RAB3D: variants seen among roughly 807,000 people sequenced by gnomAD.
RAB3D encodes ras-related protein Rab-3D.
A neutral mutation model predicts 19.3 loss-of-function variants in RAB3D; 17 were observed. That is an observed-to-expected ratio of 0.88 (90% confidence interval 0.60 to 1.32). The LOEUF (loss-of-function observed/expected upper bound fraction) is 1.32. Among genes scored for constraint, RAB3D ranks in the 40% most tolerant of loss-of-function variants. The pLI, the probability that RAB3D is intolerant of heterozygous loss-of-function variation, is 0.00. For synonymous variants in RAB3D, 103 were observed against 119.9 expected (o/e 0.86, Z 0.92); for missense variants, 223 against 299.1 (o/e 0.75, Z 1.88).
intron 4 of RAB3D, 83 bp downstream of exon 4, chr19:11,335,364 C>T: frequency 6.4e-7 from 1 of 1,561,392 alleles, no homozygotes; most frequent in Non-Finnish European, 8.7e-7. Flanking sequence ...GGATCAGTGA[C>T]TGGGTTGGAC....
chr19:11,336,314 TTTC>T (rs1038587017), intron 2 of RAB3D, among the ~76,000 whole-genome samples: 4 of 152,058 alleles, frequency 2.6e-5, no homozygotes, highest in African/African-American at 7.2e-5. Context: ...TTTTTCTTTC[TTTC>T]TTTTTTTAAT....
rs150646450 is a variant in RAB3D at position 11,323,956 on chromosome 19, A to C, written c.*1442T>G. 6.6e-6 allele frequency: 1 copy of C among 152,302 alleles called. No homozygotes were observed. Among genetic ancestry groups the C allele is most frequent in the East Asian group, 1.9e-4 (1 of 5,170 alleles). The allele number at this position is 152,302 out of a possible 1,614,324, so 9.4% of individuals were successfully genotyped here. A position where few individuals can be genotyped will look rare whatever the true frequency, so the allele number is the denominator to read the frequency against. ...GAAAGTGCCTCTAAACCGGAGGTCA[A>C]GATGTACATCTTCAAACTGCACACG... On this transcript the variant is annotated 3_prime_UTR_variant, in exon 5 of 5. Transcript: ENST00000222120.
Position 11,322,833 on chromosome 19 carries a change from T to C in RAB3D, c.*2565A>G, listed in dbSNP as rs921374959. The stretch of plus-strand genomic sequence containing the variant: ...AAGCTGTTTCTCATCACACAGGTGA[T>C]TACAGGTTAGCTCTGCCCTATTCAA... On this transcript the variant is annotated 3_prime_UTR_variant, in exon 5 of 5. Transcript: ENST00000222120. 1 of 152,228 alleles carries C rather than the reference T, an allele frequency of 6.6e-6. No homozygotes were observed. Among genetic ancestry groups the C allele is most frequent in the East Asian group, 1.9e-4 (1 of 5,204 alleles). The allele number at this position is 152,228 out of a possible 1,614,324, so 9.4% of individuals were successfully genotyped here. A position where few individuals can be genotyped will look rare whatever the true frequency, so the allele number is the denominator to read the frequency against.
In RAB3D at chr19:11,324,362, G is replaced by GC. The variant is rs1394661274; in HGVS notation, c.*1035dup. 3 of 152,134 alleles carry GC rather than the reference G, an allele frequency of 2.0e-5. No individual in the cohort carries two copies. The highest frequency in any genetic ancestry group is 4.8e-5 in the African/African-American group (2 of 41,420). 9.4% of individuals were successfully genotyped at this position (152,134 alleles called of 1,614,324 possible). A position where few individuals can be genotyped will look rare whatever the true frequency, so the allele number is the denominator to read the frequency against. The stretch of plus-strand genomic sequence containing the variant: ...GGAAATGGACATTGGGTCTTGAAGG[G>GC]CCCCCCTCAAGTCGGAGCCCAGGTG... On this transcript the variant is annotated 3_prime_UTR_variant, in exon 5 of 5. Coordinates refer to ENST00000222120, the MANE Select transcript of RAB3D (RefSeq NM_004283.4).
intron 4 of RAB3D, among the ~76,000 whole-genome samples, chr19:11,331,744 A>G (rs1455445705): frequency 6.6e-6 from 1 of 151,276 alleles, no homozygotes; most frequent in Non-Finnish European, 1.5e-5. Context: ...CTCCCTCCTC[A>G]GCCTCCTAAA....
In RAB3D at chr19:11,339,532, G is replaced by C. The variant is rs1435372149; in HGVS notation, c.-125C>G. ...TCCCAGGGGTGACCTCGCGTAGGGG[G>C]CGCCGCCTGCAGGGGTTCCGCCTGT... On this transcript the variant is annotated 5_prime_UTR_variant, in exon 1 of 5. Coordinates refer to ENST00000222120, the MANE Select transcript of RAB3D (RefSeq NM_004283.4). The C allele has an allele frequency of 6.6e-6, 1 of 152,418 alleles. No individual in the cohort carries two copies. Among genetic ancestry groups the C allele is most frequent in the Admixed American group, 6.5e-5 (1 of 15,286 alleles). The allele number at this position is 152,418 out of a possible 1,614,324, so 9.4% of individuals were successfully genotyped here. A position where few individuals can be genotyped will look rare whatever the true frequency, so the allele number is the denominator to read the frequency against.
rs1339880248 is a variant in RAB3D, at chr19:11,322,501, T to A, written c.*2897A>T. On this transcript the variant is annotated 3_prime_UTR_variant, in exon 5 of 5. Transcript: ENST00000222120. ...GTGGTCCTGACCAATCCCCTGGAGC[T>A]GGAGAGGGGTTTTCCCACGGCCTTT... 1.3e-5 allele frequency: 2 copies of A among 152,174 alleles called. No individual in the cohort carries two copies. The highest frequency in any genetic ancestry group is 2.9e-5 in the Non-Finnish European group (2 of 68,032). 9.4% of individuals were successfully genotyped at this position (152,174 alleles called of 1,614,324 possible). A position where few individuals can be genotyped will look rare whatever the true frequency, so the allele number is the denominator to read the frequency against.
intron 4 of RAB3D, among the ~76,000 whole-genome samples, chr19:11,328,677 TGTG>T (rs1212115128): frequency 6.6e-6 from 1 of 151,568 alleles, no homozygotes; most frequent in East Asian, 1.9e-4. Context: ...ATTAGCCAGG[TGTG>T]GTGGCATGCA....
intron 4 of RAB3D, among the ~76,000 whole-genome samples, chr19:11,334,879 C>A (rs2080846823): frequency 1.3e-5 from 2 of 152,242 alleles, no homozygotes; most frequent in Admixed American, 1.3e-4. Flanking sequence ...GCCAATACGG[C>A]ACCACTGCAC....
chr19:11,325,563 A>G lies in RAB3D; in HGVS notation c.495T>C (p.Ser165=). The stretch of plus-strand genomic sequence containing the variant: ...GCTTCACATTGATGTTCTCCTTGGC[A>G]CTGGCTTCAAAGAACTCGAAACCTG... ...DDLGFEFFEA[S]AKENINVKQV... is the part of the protein sequence containing the mutation. The change falls in exon 5 of 5, where the codon AGT becomes AGC. Residue 165 remains serine (S), a synonymous_variant. Transcript: ENST00000222120. 6.2e-7 allele frequency: 1 copy of G among 1,612,192 alleles called. No individual in the cohort carries two copies. Among genetic ancestry groups the G allele is most frequent in the South Asian group, 1.1e-5 (1 of 91,070 alleles).
intron 4 of RAB3D, among the ~76,000 whole-genome samples, chr19:11,330,593 A>G (rs971907919): frequency 6.6e-6 from 1 of 152,188 alleles, no homozygotes; most frequent in Non-Finnish European, 1.5e-5. Context: ...TCTCTTGCCC[A>G]GGCTGGAGTG....
chr19:11,332,779 C>A (rs1252963285), intron 4 of RAB3D, among the ~76,000 whole-genome samples: 3 of 151,942 alleles, frequency 2.0e-5, no homozygotes, highest in African/African-American at 7.3e-5. Flanking sequence ...CCATTCCTGG[C>A]CAAAGTTATT....
At chr19:11,333,746 T>G (rs1599359092) in intron 4 of RAB3D, among the ~76,000 whole-genome samples, 1 of 151,646 alleles carries the variant, frequency 6.6e-6, no homozygotes, top group African/African-American at 2.4e-5. Flanking sequence ...CAGGCTGGAG[T>G]GCAGTGGCGT....
chr19:11,332,672 G>A (rs1003673674), intron 4 of RAB3D, among the ~76,000 whole-genome samples: 3 of 152,014 alleles, frequency 2.0e-5, no homozygotes, highest in African/African-American at 7.2e-5. Flanking sequence ...TTTGAGACAG[G>A]GTCTCGCTAT....
At chr19:11,330,752 A>C (rs2080832760) in intron 4 of RAB3D, among the ~76,000 whole-genome samples, 1 of 151,896 alleles carries the variant, frequency 6.6e-6, no homozygotes, top group Non-Finnish European at 1.5e-5. Flanking sequence ...GGGTTTCACC[A>C]TGTTGGCCAG....
In RAB3D at chr19:11,324,611, C is replaced by A. The variant is rs2080800500; in HGVS notation, c.*787G>T. 6.6e-6 allele frequency: 1 copy of A among 152,644 alleles called. No individual in the cohort carries two copies. Among genetic ancestry groups the A allele is most frequent in the Admixed American group, 6.5e-5 (1 of 15,272 alleles). The allele number at this position is 152,644 out of a possible 1,614,324, so 9.5% of individuals were successfully genotyped here. On this transcript the variant is annotated 3_prime_UTR_variant, in exon 5 of 5. Coordinates refer to ENST00000222120, the MANE Select transcript of RAB3D (RefSeq NM_004283.4). ...CCGGAGTGCTAGGGGTTGGGCGAAT[C>A]TCTGCCCAGTCTAATGTGGTCCATA...
chr19:11,338,138 G>C (rs774241871), intron 1 of RAB3D, among the ~76,000 whole-genome samples: 10 of 152,060 alleles, frequency 6.6e-5, no homozygotes, highest in Admixed American at 1.3e-4. Context: ...GACAGTGCCT[G>C]GTATAGAGCT....
Position 11,333,156 on chromosome 19 carries a change from T to C in RAB3D, c.472+2291A>G, listed in dbSNP as rs190974454. ...GTGTAGTGGCGTGATCTTGGCTCACTGCAAGTTCCGCCTCCCGGGTTCACA... is the reference window on the plus strand; with the variant it reads ...GTGTAGTGGCGTGATCTTGGCTCACCGCAAGTTCCGCCTCCCGGGTTCACA... On this transcript the variant is annotated intron_variant, in intron 4 of 4. Transcript: ENST00000222120. Among the ~76,000 whole-genome samples, 58 of 151,518 alleles carry C rather than the reference T, an allele frequency of 3.8e-4. No homozygotes were observed. In the East Asian group the frequency reaches 9.3e-3, roughly 24 times the overall value.
chr19:11,338,074 C>T (rs1191226146), intron 1 of RAB3D, among the ~76,000 whole-genome samples: 1 of 152,176 alleles, frequency 6.6e-6, no homozygotes, highest in Non-Finnish European at 1.5e-5. Context: ...AGTCCATCCT[C>T]GGGTGGTCAC....
Sources: allele counts gnomAD v4.1 joint callset (sites outside exome capture counted in the v4.1 genomes callset), GRCh38; gene constraint gnomAD v4.1.1; transcripts MANE v1.5; gene names NCBI Gene and HGNC (gene_info 2026-07-23, HGNC 2026-07-21).